Variants in CDK10 observed in about 807,000 individuals in gnomAD.
The protein encoded by CDK10 is cyclin-dependent kinase 10.
CDK10 carries 55 observed loss-of-function variants against 51.0 expected under a neutral mutation model. The observed-to-expected ratio is 1.08, with a 90% confidence interval of 0.87 to 1.35. CDK10 has a LOEUF of 1.35. CDK10 is among the 40% of genes most tolerant of loss of function. The pLI is 0.00. For missense variants in CDK10, 589 were observed against 485.1 expected (o/e 1.21, Z -2.01); for synonymous variants, 255 against 199.1 (o/e 1.28, Z -2.36).
At chr16:89,691,765 G>A (rs768871509) in intron 4 of CDK10, 41 bp from the exon 5 acceptor site, 2 of 1,584,044 alleles carry the variant, frequency 1.3e-6, no homozygotes, top group African/African-American at 1.3e-5. Context: ...CACCCCTTAG[G>A]AGAAGGCCGG....
In CDK10 at chr16:89,688,035, C is replaced by G. The variant is rs554807965; in HGVS notation, c.88-1217C>G. Among the ~76,000 whole-genome samples, 24 of 149,292 alleles carry G rather than the reference C, an allele frequency of 1.6e-4. No homozygotes were observed. In the South Asian group the frequency reaches 2.3e-3, roughly 15 times the overall value. ...TACTGAGGGTTAAGAGAAGGGAAGC[C>G]GGGAAATGGGGGCTGTGAGGTTTCA... On this transcript the variant is annotated intron_variant, in intron 1 of 12. Coordinates refer to ENST00000353379, the MANE Select transcript of CDK10 (RefSeq NM_052988.5).
chr16:89,693,062 C>T (rs1459604035), intron 6 of CDK10, among the ~76,000 whole-genome samples: 3 of 151,126 alleles, frequency 2.0e-5, no homozygotes, highest in South Asian at 2.1e-4. Context: ...GGCGTGAACC[C>T]GGGAGGCGGA....
At chr16:89,687,360 C>A in intron 1 of CDK10, 1 of 424,200 alleles carries the variant, frequency 2.4e-6, no homozygotes. Flanking sequence ...GGGTGGAGAG[C>A]CCTGAACTTT....
chr16:89,695,703 G>T lies in CDK10; in HGVS notation c.*11G>T. ...CGCTGTAAACCCTGACGGTGGGCCTGGCACACGCCTGTATTCCCACACCAG... is the reference window on the plus strand; with the variant it reads ...CGCTGTAAACCCTGACGGTGGGCCTTGCACACGCCTGTATTCCCACACCAG... On this transcript the variant is annotated 3_prime_UTR_variant, in exon 13 of 13. Transcript: ENST00000353379. 6.3e-7 allele frequency: 1 copy of T among 1,592,012 alleles called. No individual in the cohort carries two copies. Among genetic ancestry groups the T allele is most frequent in the African/African-American group, 1.3e-5 (1 of 74,734 alleles).
In CDK10 at chr16:89,691,805, G is replaced by C. The variant is rs2060463243; in HGVS notation, c.336-1G>C. The C allele has an allele frequency of 6.2e-7, 1 of 1,613,788 alleles. No individual in the cohort carries two copies. Among genetic ancestry groups the C allele is most frequent in the South Asian group, 1.1e-5 (1 of 91,068 alleles). On this transcript the variant is annotated splice_acceptor_variant, in intron 4 of 12. Transcript: ENST00000353379. LOFTEE classifies it high-confidence loss of function. ...TGGCATGCATCTTCTGTTTCTTCCA[G>C]CATCTTCCTGGTGATGGGTTACTGT...
At chr16:89,688,385 A>G (rs934983383) in intron 1 of CDK10, among the ~76,000 whole-genome samples, 7 of 152,190 alleles carry the variant, frequency 4.6e-5, no homozygotes, top group Non-Finnish European at 7.4e-5. Flanking sequence ...CCCGGCTTAC[A>G]TGTGCTTCTT....
At chr16:89,694,824 TGCCCACGCCCTCTGCGCCCGCAGCCCCC>T (rs1183235441) in intron 10 of CDK10, 36 bp downstream of exon 10, 6 of 1,204,878 alleles carry the variant, frequency 5.0e-6, no homozygotes, top group South Asian at 1.6e-5. Context: ...CCCCCGCCCG[TGCCCACGCCCTCTGCGCCCGCAGCCCCC>T]GCCCGTGCCC....
intron 12 of CDK10, 112 bp downstream of exon 12, chr16:89,695,457 C>G (rs1046279402): frequency 1.2e-5 from 18 of 1,478,300 alleles, no homozygotes; most frequent in Non-Finnish European, 1.7e-5. Context: ...CACACCCTTT[C>G]TGGGGTAAGA....
At chr16:89,691,301 T>G in intron 3 of CDK10, 142 bp from the exon 4 acceptor site, 1 of 567,406 alleles carries the variant, frequency 1.8e-6, no homozygotes, top group Non-Finnish European at 3.0e-6. Context: ...AAAAAATGCT[T>G]ATTGGGGTCG....
chr16:89,688,374 G>A (rs893317906), intron 1 of CDK10, among the ~76,000 whole-genome samples: 9 of 152,068 alleles, frequency 5.9e-5, no homozygotes, highest in Admixed American at 4.6e-4. Context: ...GAGCCACTGC[G>A]CCCGGCTTAC....
intron 1 of CDK10, among the ~76,000 whole-genome samples, chr16:89,688,813 C>T (rs1288901454): frequency 6.6e-6 from 1 of 152,134 alleles, no homozygotes; most frequent in African/African-American, 2.4e-5. Flanking sequence ...TCAGAAAAGC[C>T]CAAGAGGCCG....
rs376294252 is a variant in CDK10, at chr16:89,695,663, G to A, written c.1054G>A (p.Glu352Lys). The A allele has an allele frequency of 7.7e-5, 124 of 1,602,188 alleles. No individual in the cohort carries two copies. Among genetic ancestry groups the A allele is most frequent in the Non-Finnish European group, 9.8e-5 (115 of 1,176,338 alleles). The change falls in exon 13 of 13, where the codon GAG (glutamate) becomes AAG (lysine). Residue 352 changes from glutamate to lysine, a missense_variant. By Grantham distance (56) the Glu-to-Lys change is moderately conservative. Transcript: ENST00000353379. ...CAAGCGGGCCGCCCCAGCCACCTCC[G>A]AGGGCCAGAGCAAGCGCTGTAAACC... Reference protein sequence around the residue: ...RNKRAAPATSEGQSKRCKP With the variant: ...RNKRAAPATSKGQSKRCKP
chr16:89,686,751 A>G lies in CDK10; in HGVS notation c.41A>G (p.Lys14Arg), dbSNP rs1258010770. ...PDLECEQIRL[K>R]CIRKEGFFTV... ...CTGGAGTGCGAGCAGATCCGTCTGA[A>G]GTGTATTCGTAAGGAGGGCTTCTTC... Residue 14 changes from lysine to arginine, a missense_variant, in exon 1 of 13, where the codon AAG becomes AGG. Physicochemically the swap from Lys to Arg is conservative, Grantham distance 26. Transcript: ENST00000353379. 5 of 1,612,416 alleles carry G rather than the reference A, an allele frequency of 3.1e-6. No homozygotes were observed. Among genetic ancestry groups the G allele is most frequent in the Admixed American group, 3.3e-5 (2 of 59,942 alleles).
intron 1 of CDK10, chr16:89,687,503 G>T: frequency 2.2e-6 from 1 of 456,224 alleles, no homozygotes; most frequent in Non-Finnish European, 4.4e-6. Flanking sequence ...CGTGCAGCAG[G>T]CGCTCACCGC....
At position 89,693,662 on chromosome 16, in the gene CDK10, C is replaced by A. The variant is rs2060560199; in HGVS notation, c.608+195C>A. On this transcript the variant is annotated intron_variant, in intron 8 of 12. Transcript: ENST00000353379. ...GTGCCACAAAATGGTGAGAGACGGG[C>A]TCAGTGGCGTCAAGGGCCTGCCTAG... The A allele has an allele frequency of 2.0e-5, 12 of 612,826 alleles. No homozygotes were observed. The South Asian group carries it at 2.3e-4, about 12-fold the overall frequency. 38.0% of individuals were successfully genotyped at this position (612,826 alleles called of 1,614,324 possible). A position where few individuals can be genotyped will look rare whatever the true frequency, so the allele number is the denominator to read the frequency against.
rs759245394 is a variant in CDK10 at position 89,689,342 on chromosome 16, G to C, written c.160+18G>C. 1 of 1,609,464 alleles carries C rather than the reference G, an allele frequency of 6.2e-7. No individual in the cohort carries two copies. The highest frequency in any genetic ancestry group is 2.2e-5 in the East Asian group (1 of 44,868). On this transcript the variant is annotated intron_variant, in intron 2 of 12. Coordinates refer to ENST00000353379, the MANE Select transcript of CDK10 (RefSeq NM_052988.5). ...CATTGTGTGTGAGTGGCCAAGGCTA[G>C]GACATGTGGCCGCAGCTCGTGGCTG...
At chr16:89,690,425 C>T (rs1262538286) in intron 2 of CDK10, 128 bp from the exon 3 acceptor site, 3 of 757,430 alleles carry the variant, frequency 4.0e-6, no homozygotes, top group African/African-American at 3.4e-5. Flanking sequence ...GACTGAGTGT[C>T]ACTGGGCATG....
chr16:89,689,196 C>T (rs1246214300), intron 1 of CDK10, 56 bp from the exon 2 acceptor site: 17 of 1,511,902 alleles, frequency 1.1e-5, no homozygotes, highest in Non-Finnish European at 4.6e-6. Flanking sequence ...TTGAAATTTC[C>T]TCAGTTGTTC....
At position 89,693,383 on chromosome 16, in the gene CDK10, C is replaced by T. The variant is rs768635636; in HGVS notation, c.539-15C>T. The T allele has an allele frequency of 1.3e-5, 21 of 1,614,034 alleles. No homozygotes were observed. Among genetic ancestry groups the T allele is most frequent in the Non-Finnish European group, 1.7e-5 (20 of 1,180,032 alleles). On this transcript the variant is annotated splice_polypyrimidine_tract_variant and intron_variant, in intron 7 of 12. Coordinates refer to ENST00000353379, the MANE Select transcript of CDK10 (RefSeq NM_052988.5). ...AGATGGCACTTGGTGACACACACTC[C>T]CCTCTCTGCTGCAGCGGATTTCGGC...
Sources: allele counts gnomAD v4.1 joint callset (sites outside exome capture counted in the v4.1 genomes callset), GRCh38; gene constraint gnomAD v4.1.1; transcripts MANE v1.5; gene names NCBI Gene and HGNC (gene_info 2026-07-23, HGNC 2026-07-21).